Variants in DNAJC6 observed in about 807,000 individuals in gnomAD.
DNAJC6 encodes the protein DnaJ heat shock protein family (Hsp40) member C6.
DNAJC6 carries 34 observed loss-of-function variants against 110.0 expected under a neutral mutation model. The ratio of observed to expected loss-of-function variants is 0.31; its 90% confidence interval spans 0.24 to 0.41. The LOEUF (loss-of-function observed/expected upper bound fraction) is 0.41. DNAJC6 is among the 10% of genes least tolerant of loss of function. DNAJC6 has a pLI of 1.00. For missense variants in DNAJC6, 1,031 were observed against 1,207.8 expected (o/e 0.85, Z 2.17); for synonymous variants, 406 against 437.2 (o/e 0.93, Z 0.89).
intron 1 of DNAJC6, among the ~76,000 whole-genome samples, chr1:65,315,850 T>G (rs1339404419): frequency 2.0e-5 from 3 of 152,124 alleles, no homozygotes; most frequent in African/African-American, 7.2e-5. Flanking sequence ...AAGAATTTAG[T>G]GGTGAATTTT....
intron 1 of DNAJC6, among the ~76,000 whole-genome samples, chr1:65,268,331 A>G (rs1241208239): frequency 6.6e-6 from 1 of 152,246 alleles, no homozygotes; most frequent in East Asian, 1.9e-4. Flanking sequence ...ATATCTCAAA[A>G]TGTTTTGCAA....
chr1:65,343,338 ACAGTAG>A (rs1179362192), intron 1 of DNAJC6, among the ~76,000 whole-genome samples: 1 of 152,198 alleles, frequency 6.6e-6, no homozygotes, highest in Non-Finnish European at 1.5e-5. Context: ...GAAGAGATAA[ACAGTAG>A]ACTACCTTAC....
At chr1:65,296,579 G>A (rs897891581) in intron 1 of DNAJC6, among the ~76,000 whole-genome samples, 6 of 144,280 alleles carry the variant, frequency 4.2e-5, no homozygotes, top group African/African-American at 7.6e-5. Flanking sequence ...TCATTCATTC[G>A]ACACATCTTT....
At chr1:65,311,243 G>GA (rs1645098417) in intron 1 of DNAJC6, among the ~76,000 whole-genome samples, 1 of 5,764 alleles carries the variant, frequency 1.7e-4, no homozygotes, top group Non-Finnish European at 4.9e-4. Context: ...TTTTTTTTTT[G>GA]AGGCGGAGTC....
intron 4 of DNAJC6, among the ~76,000 whole-genome samples, chr1:65,375,398 G>A (rs1436545959): frequency 2.0e-5 from 3 of 151,266 alleles, no homozygotes; most frequent in East Asian, 2.0e-4. Context: ...TGCATATATT[G>A]AGCCATCCTT....
intron 1 of DNAJC6, among the ~76,000 whole-genome samples, chr1:65,300,043 C>CAAAAAAAAA (rs59681451): frequency 1.8e-5 from 2 of 112,024 alleles, no homozygotes; most frequent in African/African-American, 3.3e-5. Flanking sequence ...AACTCCATCT[C>CAAAAAAAAA]AAAAAAAAAA....
chr1:65,276,194 T>C (rs954022669), intron 1 of DNAJC6, among the ~76,000 whole-genome samples: 1 of 152,206 alleles, frequency 6.6e-6, no homozygotes, highest in Non-Finnish European at 1.5e-5. Flanking sequence ...TATTAGATTC[T>C]TTACCAAAAG....
At chr1:65,301,831 G>C (rs990609647) in intron 1 of DNAJC6, among the ~76,000 whole-genome samples, 3 of 151,868 alleles carry the variant, frequency 2.0e-5, no homozygotes, top group African/African-American at 7.3e-5. Flanking sequence ...ACCCAATAAG[G>C]CCTGTTTAGA....
At chr1:65,285,013 T>A (rs1417201431) in intron 1 of DNAJC6, among the ~76,000 whole-genome samples, 1 of 152,156 alleles carries the variant, frequency 6.6e-6, no homozygotes, top group Non-Finnish European at 1.5e-5. Flanking sequence ...ACTCTGTGGT[T>A]TTCCATCTGG....
At chr1:65,338,867 G>A (rs960390439) in intron 1 of DNAJC6, among the ~76,000 whole-genome samples, 1 of 152,132 alleles carries the variant, frequency 6.6e-6, no homozygotes, top group Non-Finnish European at 1.5e-5. Context: ...TGATAGAATT[G>A]AACCACCTGG....
intron 14 of DNAJC6, among the ~76,000 whole-genome samples, chr1:65,401,500 G>A (rs906511464): frequency 6.6e-6 from 1 of 152,128 alleles, no homozygotes; most frequent in Non-Finnish European, 1.5e-5. Flanking sequence ...GTGACATGAG[G>A]ACCTGGAAAT....
chr1:65,389,378 G>A lies in DNAJC6; in HGVS notation c.1316G>A (p.Cys439Tyr). The A allele has an allele frequency of 6.2e-7, 1 of 1,614,142 alleles. No homozygotes were observed. The highest frequency in any genetic ancestry group is 8.5e-7 in the Non-Finnish European group (1 of 1,180,012). ...IDLTPPWEHY[C>Y]TKDVNPSILF... is the part of the protein sequence containing the mutation. ...TTAACTCCACCATGGGAACATTACT[G>A]CACAAAAGATGTCAATCCCAGCATC... is the stretch of plus-strand genomic sequence containing the variant. Residue 439 changes from cysteine to tyrosine, a missense_variant, in exon 10 of 19, where the codon TGC (cysteine) becomes TAC (tyrosine). By Grantham distance (194) the Cys-to-Tyr change is radical (BLOSUM62 -2). Coordinates refer to ENST00000371069, the MANE Select transcript of DNAJC6 (RefSeq NM_001256864.2).
At chr1:65,385,313 T>G (rs1645860753) in intron 6 of DNAJC6, among the ~76,000 whole-genome samples, 1 of 152,246 alleles carries the variant, frequency 6.6e-6, no homozygotes, top group Non-Finnish European at 1.5e-5. Flanking sequence ...ATTTCTTCAT[T>G]TTTTTAAAAA....
rs961553741 is a variant in DNAJC6, at chr1:65,414,718, T to G, written c.*1693T>G. On this transcript the variant is annotated 3_prime_UTR_variant, in exon 19 of 19. Coordinates refer to ENST00000371069, the MANE Select transcript of DNAJC6 (RefSeq NM_001256864.2). ...ACTGTTCAAGGTAACCATAACAAAC[T>G]AGGTGTTATTTATTAACGTATTATA... The G allele has an allele frequency of 2.6e-5, 4 of 152,654 alleles. No homozygotes were observed. Among genetic ancestry groups the G allele is most frequent in the African/African-American group, 9.6e-5 (4 of 41,454 alleles). 9.5% of individuals were successfully genotyped at this position (152,654 alleles called of 1,614,324 possible).
At chr1:65,265,413 C>T (rs1298510063) in intron 1 of DNAJC6, among the ~76,000 whole-genome samples, 1 of 152,172 alleles carries the variant, frequency 6.6e-6, no homozygotes, top group Admixed American at 6.5e-5. Flanking sequence ...TAGAAGCGCT[C>T]CATGGGGAGC....
intron 11 of DNAJC6, among the ~76,000 whole-genome samples, chr1:65,391,467 A>C (rs12759155): frequency 0.021 from 3,135 of 152,208 alleles, 61 homozygotes; most frequent in South Asian, 0.11. Flanking sequence ...TTTGTGCTGA[A>C]AGTACCCCTT....
At chr1:65,346,525 C>T (rs1002052683) in intron 1 of DNAJC6, among the ~76,000 whole-genome samples, 2 of 152,064 alleles carry the variant, frequency 1.3e-5, no homozygotes, top group Non-Finnish European at 2.9e-5. Flanking sequence ...TCTAACACAC[C>T]CTCAAGTTCC....
intron 1 of DNAJC6, among the ~76,000 whole-genome samples, chr1:65,283,843 AT>A (rs1212122234): frequency 2.6e-5 from 4 of 152,124 alleles, no homozygotes; most frequent in African/African-American, 7.2e-5. Context: ...TCTTTTTAGC[AT>A]TTGTGGTGGG....
chr1:65,367,833 A>T (rs972170074), intron 4 of DNAJC6, among the ~76,000 whole-genome samples: 1 of 151,042 alleles, frequency 6.6e-6, no homozygotes, highest in African/African-American at 2.4e-5. Context: ...TTAAACACCT[A>T]CCCTGGGCTG....
Sources: allele counts gnomAD v4.1 joint callset (sites outside exome capture counted in the v4.1 genomes callset), GRCh38; gene constraint gnomAD v4.1.1; transcripts MANE v1.5; gene names NCBI Gene and HGNC (gene_info 2026-07-23, HGNC 2026-07-21).